Variants in VPS13B observed in about 807,000 individuals in gnomAD.
VPS13B encodes the protein intermembrane lipid transfer protein VPS13B.
VPS13B carries 285 observed loss-of-function variants against 426.4 expected under a neutral mutation model. That is an observed-to-expected ratio of 0.67 (90% CI 0.61 to 0.74). VPS13B has a LOEUF of 0.74. Ranked by LOEUF, VPS13B falls within the 30% of genes least tolerant of loss-of-function variation. The pLI, the probability that VPS13B is intolerant of heterozygous loss-of-function variation, is 0.00. For synonymous variants in VPS13B, 1,676 were observed against 1,676.4 expected (o/e 1.00, Z 0.01); for missense variants, 4,537 against 4,782.6 (o/e 0.95, Z 1.51).
intron 30 of VPS13B, among the ~76,000 whole-genome samples, chr8:99,548,151 C>T (rs968378059): frequency 2.0e-5 from 3 of 152,140 alleles, no homozygotes; most frequent in South Asian, 4.1e-4. Flanking sequence ...AGTAAAGTAT[C>T]ATTCTATTAG....
At chr8:99,248,234 G>T (rs1477940293) in intron 17 of VPS13B, among the ~76,000 whole-genome samples, 4 of 152,186 alleles carry the variant, frequency 2.6e-5, no homozygotes, top group African/African-American at 9.6e-5. Context: ...TTTGTGTGTG[G>T]CTGGGTTACG....
At chr8:99,521,298 T>C (rs935540752) in intron 30 of VPS13B, among the ~76,000 whole-genome samples, 4 of 152,192 alleles carry the variant, frequency 2.6e-5, no homozygotes, top group African/African-American at 9.6e-5. Flanking sequence ...TGACCAAATC[T>C]CTAATCACAT....
chr8:99,208,328 AATATCCAACCC>A (rs1235752511), intron 17 of VPS13B, among the ~76,000 whole-genome samples: 1 of 152,134 alleles, frequency 6.6e-6, no homozygotes, highest in Non-Finnish European at 1.5e-5. Context: ...GGGGATGACA[AATATCCAACCC>A]ATATCACATA....
At chr8:99,776,250 G>A (rs1349925544) in intron 40 of VPS13B, among the ~76,000 whole-genome samples, 1 of 152,202 alleles carries the variant, frequency 6.6e-6, no homozygotes, top group African/African-American at 2.4e-5. Context: ...GTGGATGGAA[G>A]CACATTGATT....
chr8:99,093,573 C>A (rs1389753033), intron 3 of VPS13B, among the ~76,000 whole-genome samples: 1 of 147,778 alleles, frequency 6.8e-6, no homozygotes, highest in African/African-American at 2.5e-5. Flanking sequence ...TGTTCCCCTT[C>A]CTGTGTCCAT....
chr8:99,263,576 AC>A (rs1307399959), intron 17 of VPS13B, among the ~76,000 whole-genome samples: 2 of 151,724 alleles, frequency 1.3e-5, no homozygotes, highest in East Asian at 3.9e-4. Flanking sequence ...TTGGCCTGTG[AC>A]CCCCTTCCCC....
At chr8:99,816,074 C>T (rs1487015357) in intron 44 of VPS13B, among the ~76,000 whole-genome samples, 1 of 148,214 alleles carries the variant, frequency 6.7e-6, no homozygotes, top group East Asian at 1.9e-4. Flanking sequence ...TTGGCCTCTA[C>T]CAGGCCCCCC....
At chr8:99,806,553 G>A (rs1291668267) in intron 43 of VPS13B, among the ~76,000 whole-genome samples, 7 of 152,136 alleles carry the variant, frequency 4.6e-5, no homozygotes, top group Non-Finnish European at 8.8e-5. Context: ...GTGGGGCAAA[G>A]AACATATCTC....
chr8:99,357,810 A>C (rs1245833085), intron 19 of VPS13B, among the ~76,000 whole-genome samples: 2 of 152,224 alleles, frequency 1.3e-5, no homozygotes, highest in African/African-American at 2.4e-5. Context: ...TAAAATGCTT[A>C]ACACTTTGTT....
In VPS13B at chr8:99,330,284, T is replaced by C. The variant is rs184610485; in HGVS notation, c.2825-53924T>C. ...TTAAAAATAGTATTATCCTCATTGC[T>C]ATTATATTATGCCATTCATAGAGAA... On this transcript the variant is annotated intron_variant, in intron 19 of 61. Transcript: ENST00000357162. Among the ~76,000 whole-genome samples the C allele has an allele frequency of 6.3e-3, 952 of 151,978 alleles. 8 individuals carry two copies. The highest frequency in any genetic ancestry group is 0.022 in the African/African-American group (893 of 41,508).
intron 24 of VPS13B, among the ~76,000 whole-genome samples, chr8:99,478,136 G>A (rs1162982033): frequency 1.4e-5 from 2 of 145,686 alleles, no homozygotes; most frequent in Non-Finnish European, 3.0e-5. Flanking sequence ...TTTTTTTAAT[G>A]TGATGAAACT....
At chr8:99,718,859 A>AT (rs953813160) in intron 37 of VPS13B, among the ~76,000 whole-genome samples, 1 of 151,728 alleles carries the variant, frequency 6.6e-6, no homozygotes, top group African/African-American at 2.4e-5. Context: ...GGTTCTCACT[A>AT]TGTTGCCCAG....
chr8:99,360,162 CTTTCT>C (rs1563687044), intron 19 of VPS13B, among the ~76,000 whole-genome samples: 3 of 35,198 alleles, frequency 8.5e-5, no homozygotes, highest in Non-Finnish European at 1.5e-4. Context: ...TTCTTTCTTT[CTTTCT>C]TTCTTTCTTT....
At chr8:99,739,941 C>T (rs559426013) in intron 39 of VPS13B, among the ~76,000 whole-genome samples, 1 of 152,166 alleles carries the variant, frequency 6.6e-6, no homozygotes, top group Non-Finnish European at 1.5e-5. Context: ...GAACGCAGCT[C>T]CTCACCAGCA....
intron 22 of VPS13B, among the ~76,000 whole-genome samples, chr8:99,435,848 A>G (rs1384217708): frequency 1.3e-5 from 2 of 152,160 alleles, no homozygotes; most frequent in African/African-American, 2.4e-5. Context: ...TTGAATTTAC[A>G]CATGTATTTG....
chr8:99,705,344 G>A (rs911897166), intron 36 of VPS13B, among the ~76,000 whole-genome samples: 3 of 152,012 alleles, frequency 2.0e-5, no homozygotes, highest in Non-Finnish European at 4.4e-5. Flanking sequence ...CTAATATGAC[G>A]AGAATAAAAA....
Position 99,314,254 on chromosome 8 carries a change from G to A in VPS13B, c.2824+39000G>A, listed in dbSNP as rs1201339005. Among the ~76,000 whole-genome samples the A allele has an allele frequency of 5.9e-5, 9 of 152,044 alleles. No individual in the cohort carries two copies. The East Asian group carries it at 7.7e-4, about 13-fold the overall frequency. On this transcript the variant is annotated intron_variant, in intron 19 of 61. Transcript: ENST00000357162. ...AATGCAGAAATCACCCGTCTTCTGC[G>A]TCGCTCATGCTGGGAGCTGTAGACT... is the stretch of plus-strand genomic sequence containing the variant.
intron 40 of VPS13B, among the ~76,000 whole-genome samples, chr8:99,767,935 C>A (rs1330974043): frequency 6.6e-6 from 1 of 151,622 alleles, no homozygotes; most frequent in Non-Finnish European, 1.5e-5. Context: ...TCACACACAC[C>A]AAAAAAAATC....
intron 35 of VPS13B, among the ~76,000 whole-genome samples, chr8:99,673,109 G>A (rs571120502): frequency 6.6e-6 from 1 of 151,950 alleles, no homozygotes; most frequent in African/African-American, 2.4e-5. Flanking sequence ...GCATGTCTTT[G>A]TCTGGTTTTC....
Sources: allele counts gnomAD v4.1 joint callset (sites outside exome capture counted in the v4.1 genomes callset), GRCh38; gene constraint gnomAD v4.1.1; transcripts MANE v1.5; gene names NCBI Gene and HGNC (gene_info 2026-07-23, HGNC 2026-07-21).